The following MTF2 variants were observed in gnomAD, a reference collection of about 807,000 sequenced individuals.
The protein encoded by MTF2 is metal response element binding transcription factor 2, also known as metal-response element-binding transcription factor 2.
Under a neutral mutation model 79.5 loss-of-function variants are expected in MTF2, and 11 were observed. The ratio of observed to expected loss-of-function variants is 0.14; its 90% CI spans 0.09 to 0.23. The LOEUF (loss-of-function observed/expected upper bound fraction) is 0.23, where lower values mean the gene tolerates loss of function less well. Among genes scored for constraint, MTF2 ranks in the 10% least tolerant of loss-of-function variants. MTF2 has a pLI of 1.00. For synonymous variants in MTF2, 208 were observed against 232.8 expected (o/e 0.89, Z 0.97); for missense variants, 486 against 711.2 (o/e 0.68, Z 3.60).
intron 7 of MTF2, among the ~76,000 whole-genome samples, chr1:93,119,019 C>T (rs1656363311): frequency 6.6e-6 from 1 of 152,206 alleles, no homozygotes; most frequent in South Asian, 2.1e-4. Context: ...TATGTGGGGG[C>T]AGCCATCACA....
At chr1:93,116,728 T>C (rs1656263727) in intron 6 of MTF2, among the ~76,000 whole-genome samples, 1 of 152,148 alleles carries the variant, frequency 6.6e-6, no homozygotes, top group Non-Finnish European at 1.5e-5. Context: ...TCTCCAACTC[T>C]TGGCCTCAAG....
chr1:93,089,419 C>T (rs777680370), intron 1 of MTF2, among the ~76,000 whole-genome samples: 3 of 152,104 alleles, frequency 2.0e-5, no homozygotes, highest in African/African-American at 7.2e-5. Flanking sequence ...CTACTTTATG[C>T]CATACCTTGA....
Position 93,133,481 on chromosome 1 carries a change from C to T in MTF2, c.1161-222C>T, listed in dbSNP as rs1273576258. Among the ~76,000 whole-genome samples, 4 of 151,786 alleles carry T rather than the reference C, an allele frequency of 2.6e-5. No individual in the cohort carries two copies. In the East Asian group the frequency reaches 7.7e-4, roughly 29 times the overall value. On this transcript the variant is annotated intron_variant, in intron 11 of 14. Transcript: ENST00000370298. ...ATATTAAAGAGGACTTTCTTTAAAC[C>T]TTTCATAATGTAAATATCTTTAAAG... is the stretch of plus-strand genomic sequence containing the variant.
At chr1:93,098,783 T>A (rs1157570695) in intron 1 of MTF2, among the ~76,000 whole-genome samples, 1 of 152,186 alleles carries the variant, frequency 6.6e-6, no homozygotes, top group Non-Finnish European at 1.5e-5. Flanking sequence ...GTAATATAGT[T>A]TATTTGTAGT....
rs568469086 is a variant in MTF2 at position 93,137,185 on chromosome 1, A to G, written c.*158A>G. 27 of 527,844 alleles carry G rather than the reference A, an allele frequency of 5.1e-5. No homozygotes were observed. Among genetic ancestry groups the G allele is most frequent in the African/African-American group, 1.1e-4 (6 of 53,154 alleles). The allele number at this position is 527,844 out of a possible 1,614,324, so 32.7% of individuals were successfully genotyped here. A position where few individuals can be genotyped will look rare whatever the true frequency, so the allele number is the denominator to read the frequency against. On this transcript the variant is annotated 3_prime_UTR_variant, in exon 15 of 15. Coordinates refer to ENST00000370298, the MANE Select transcript of MTF2 (RefSeq NM_007358.4). The stretch of plus-strand genomic sequence containing the variant: ...TACTAGCCTTAACATGTACCTGTCA[A>G]TGTTATGGATATTGTCATAAAAAGG...
At chr1:93,134,354 A>G in intron 14 of MTF2, 159 bp downstream of exon 14, 1 of 577,442 alleles carries the variant, frequency 1.7e-6, no homozygotes, top group Non-Finnish European at 3.0e-6. Context: ...AATAGTTGTT[A>G]ATATTCATTT....
chr1:93,133,849 G>A (rs367904354), intron 12 of MTF2, 41 bp downstream of exon 12: 20 of 1,542,452 alleles, frequency 1.3e-5, no homozygotes, highest in Non-Finnish European at 1.8e-5. Context: ...GAAGAAGGAT[G>A]CATGAAATAA....
At position 93,110,389 on chromosome 1, in the gene MTF2, A is replaced by G. The variant is rs1006756875; in HGVS notation, c.165A>G (p.Arg55=). 1 of 1,614,036 alleles carries G rather than the reference A, an allele frequency of 6.2e-7. No homozygotes were observed. The highest frequency in any genetic ancestry group is 1.3e-5 in the African/African-American group (1 of 74,922). ...KFEEGQDVLA[R]WSDGLFYLGT... Reference sequence around the variant, plus strand: ...AAGAGGGTCAGGATGTCCTAGCTAGATGGTCAGATGGCTTGTTTTATCTTG... The same window carrying G: ...AAGAGGGTCAGGATGTCCTAGCTAGGTGGTCAGATGGCTTGTTTTATCTTG... The change falls in exon 2 of 15, where the codon AGA becomes AGG. Residue 55 remains arginine, a synonymous_variant. Transcript: ENST00000370298.
intron 3 of MTF2, among the ~76,000 whole-genome samples, chr1:93,112,684 A>T (rs1391627442): frequency 6.6e-6 from 1 of 152,216 alleles, no homozygotes; most frequent in Non-Finnish European, 1.5e-5. Flanking sequence ...AACAACAAAA[A>T]ATTTGGTATT....
chr1:93,113,579 T>C (rs1656123017), intron 3 of MTF2, among the ~76,000 whole-genome samples: 1 of 152,188 alleles, frequency 6.6e-6, no homozygotes, highest in African/African-American at 2.4e-5. Flanking sequence ...TATGCAGCTA[T>C]TAGAAGTTAC....
In MTF2 at chr1:93,127,805, C is replaced by T. The variant is rs189203317; in HGVS notation, c.989+506C>T. On this transcript the variant is annotated intron_variant, in intron 10 of 14. Transcript: ENST00000370298. The stretch of plus-strand genomic sequence containing the variant: ...ATTCTCATACAGATCTACAGGTCTT[C>T]CCCCTACCTTATTTTTACTTTTTTT... 1.6e-3 allele frequency among the ~76,000 whole-genome samples: 149 copies of T among 93,466 alleles called. 1 individual carries two copies. Among genetic ancestry groups the T allele is most frequent in the African/African-American group, 6.0e-3 (142 of 23,564 alleles). The allele number at this position is 93,466 out of a possible 152,430, so 61.3% of individuals were successfully genotyped here. A position where few individuals can be genotyped will look rare whatever the true frequency, so the allele number is the denominator to read the frequency against.
At position 93,086,411 on chromosome 1, in the gene MTF2, T is replaced by C. The variant is rs552364919; in HGVS notation, c.5+6880T>C. 2.1e-3 allele frequency among the ~76,000 whole-genome samples: 316 copies of C among 150,726 alleles called. 1 individual carries two copies. The highest frequency in any genetic ancestry group is 7.4e-3 in the African/African-American group (306 of 41,084). On this transcript the variant is annotated intron_variant, in intron 1 of 14. Transcript: ENST00000370298. ...ATCTCAGCTACTCAGGAGGCTGAGG[T>C]TCACTTGAACCCAGGAGGCGGGGGC...
Position 93,120,555 on chromosome 1 carries a change from T to C in MTF2, c.804T>C (p.Asp268=). Residue 268 remains aspartate, a synonymous_variant, in exon 9 of 15, where the codon GAT becomes GAC. Transcript: ENST00000370298. ...YLKRLPLQWV[D]IAHLCLYNLS... Reference sequence around the variant, plus strand: ...GATTATTTTCGGATTCCAGGGTAGATATAGCACACCTATGCCTTTACAACC... The same window carrying C: ...GATTATTTTCGGATTCCAGGGTAGACATAGCACACCTATGCCTTTACAACC... 6.3e-7 allele frequency: 1 copy of C among 1,592,004 alleles called. No homozygotes were observed.
chr1:93,103,172 A>G (rs971081870), intron 1 of MTF2, among the ~76,000 whole-genome samples: 1 of 151,806 alleles, frequency 6.6e-6, no homozygotes, highest in African/African-American at 2.4e-5. Flanking sequence ...GTGTCACTTG[A>G]TGGTTCATTA....
intron 1 of MTF2, 110 bp from the exon 2 acceptor site, chr1:93,110,120 C>T: frequency 9.6e-7 from 1 of 1,037,246 alleles, no homozygotes; most frequent in Non-Finnish European, 1.4e-6. Flanking sequence ...ATATTTTTGT[C>T]TTAAGGTTTT....
chr1:93,085,618 C>G (rs1444292121), intron 1 of MTF2, among the ~76,000 whole-genome samples: 1 of 151,992 alleles, frequency 6.6e-6, no homozygotes, highest in Non-Finnish European at 1.5e-5. Context: ...TCCTGAGTAG[C>G]TAGGACTACA....
At chr1:93,129,055 A>C (rs1314423015) in intron 10 of MTF2, 1 of 353,306 alleles carries the variant, frequency 2.8e-6, no homozygotes, top group African/African-American at 2.1e-5. Flanking sequence ...AAAAGTGGAC[A>C]TGTGCTCTTC....
At chr1:93,096,815 T>G (rs1255268007) in intron 1 of MTF2, among the ~76,000 whole-genome samples, 2 of 147,964 alleles carry the variant, frequency 1.4e-5, no homozygotes, top group Non-Finnish European at 3.0e-5. Flanking sequence ...TTTCTTTTTT[T>G]TTTTTTTTTT....
intron 10 of MTF2, chr1:93,128,875 G>T (rs1656809694): frequency 2.0e-5 from 3 of 151,654 alleles, no homozygotes; most frequent in African/African-American, 4.9e-5. Context: ...TCTGACTAAG[G>T]TTTTTCTCTT....
Sources: allele counts gnomAD v4.1 joint callset (sites outside exome capture counted in the v4.1 genomes callset), GRCh38; gene constraint gnomAD v4.1.1; transcripts MANE v1.5; gene names NCBI Gene and HGNC (gene_info 2026-07-23, HGNC 2026-07-21).